Variants in ARHGEF28 observed in about 807,000 individuals in gnomAD.
The protein encoded by ARHGEF28 is Rho guanine nucleotide exchange factor 28.
A neutral mutation model predicts 206.6 loss-of-function variants in ARHGEF28; 152 were observed. That is an observed-to-expected ratio of 0.74 (90% CI 0.64 to 0.84). The LOEUF (loss-of-function observed/expected upper bound fraction) is 0.84. Ranked by LOEUF, ARHGEF28 falls within the 40% of genes least tolerant of loss-of-function variation. ARHGEF28 has a pLI of 0.00. For missense variants in ARHGEF28, 2,028 were observed against 2,073.2 expected (o/e 0.98, Z 0.42); for synonymous variants, 763 against 776.4 (o/e 0.98, Z 0.29).
intron 7 of ARHGEF28, among the ~76,000 whole-genome samples, chr5:73,786,130 C>A (rs1754143261): frequency 6.6e-6 from 1 of 151,132 alleles, no homozygotes; most frequent in Non-Finnish European, 1.5e-5. Context: ...TAATTTCACT[C>A]AAGCATTTGT....
At chr5:73,771,314 G>A (rs570410054) in intron 4 of ARHGEF28, among the ~76,000 whole-genome samples, 2 of 152,286 alleles carry the variant, frequency 1.3e-5, no homozygotes, top group East Asian at 1.9e-4. Flanking sequence ...AGGCCAAGGC[G>A]AGTGGATCAC....
intron 7 of ARHGEF28, among the ~76,000 whole-genome samples, chr5:73,793,394 G>T (rs1754600811): frequency 6.6e-6 from 1 of 152,150 alleles, no homozygotes; most frequent in African/African-American, 2.4e-5. Context: ...TAGCATTGTT[G>T]CCCAGAAGTG....
At chr5:73,866,104 A>G in intron 18 of ARHGEF28, 91 bp downstream of exon 18, 1 of 1,101,008 alleles carries the variant, frequency 9.1e-7, no homozygotes. Flanking sequence ...TTGTTTTCTC[A>G]TTTATCCAGT....
chr5:73,700,963 G>C (rs183013753), intron 2 of ARHGEF28, among the ~76,000 whole-genome samples: 4 of 152,294 alleles, frequency 2.6e-5, no homozygotes, highest in African/African-American at 9.6e-5. Flanking sequence ...GGAAGTCCAA[G>C]ATTGGCTTTC....
At chr5:73,780,650 T>C (rs767455256) in intron 6 of ARHGEF28, 26 bp from the exon 7 acceptor site, 1 of 454,602 alleles carries the variant, frequency 2.2e-6, no homozygotes, top group African/African-American at 3.3e-5. Context: ...TGCTTTTTTG[T>C]TTTTTTTTTC....
rs1035959637 is a variant in ARHGEF28 at position 73,893,364 on chromosome 5, G to A, written c.3658+76G>A. The A allele has an allele frequency of 3.4e-5, 42 of 1,226,674 alleles. 1 individual carries two copies. In the African/African-American group the frequency reaches 4.3e-4, roughly 12 times the overall value. The allele number at this position is 1,226,674 out of a possible 1,614,324, so 76.0% of individuals were successfully genotyped here. ...TGGGAAAGCCTGAGTGTCATGAACA[G>A]GAGGTTATAACTACATGATTCATCC... On this transcript the variant is annotated intron_variant, in intron 28 of 35. Coordinates refer to ENST00000513042, the MANE Select transcript of ARHGEF28 (RefSeq NM_001177693.2).
At chr5:73,792,170 T>C (rs1176763059) in intron 7 of ARHGEF28, among the ~76,000 whole-genome samples, 1 of 152,226 alleles carries the variant, frequency 6.6e-6, no homozygotes, top group Non-Finnish European at 1.5e-5. Flanking sequence ...ATAAAGACTT[T>C]CTACATTTAA....
chr5:73,937,920 T>G (rs958501464), intron 35 of ARHGEF28, among the ~76,000 whole-genome samples: 3 of 152,150 alleles, frequency 2.0e-5, no homozygotes, highest in African/African-American at 4.8e-5. Flanking sequence ...CGGTTTCTAA[T>G]TTCAAAGACA....
intron 1 of ARHGEF28, among the ~76,000 whole-genome samples, chr5:73,644,677 C>A (rs1744323748): frequency 6.6e-6 from 1 of 152,182 alleles, no homozygotes; most frequent in Admixed American, 6.5e-5. Flanking sequence ...TTTTGCTTAT[C>A]ATTTATTTTT....
chr5:73,636,831 T>C (rs994865456), intron 1 of ARHGEF28, among the ~76,000 whole-genome samples: 11 of 152,204 alleles, frequency 7.2e-5, no homozygotes, highest in Non-Finnish European at 1.6e-4. Flanking sequence ...TCAAGTTCTA[T>C]GTTTCTGTGG....
intron 12 of ARHGEF28, 149 bp downstream of exon 12, chr5:73,846,624 C>A: frequency 1.4e-6 from 1 of 708,284 alleles, no homozygotes; most frequent in Non-Finnish European, 2.3e-6. Context: ...TTGAGTCTGT[C>A]TTTTTAATCT....
intron 2 of ARHGEF28, among the ~76,000 whole-genome samples, chr5:73,712,595 A>G (rs376454162): frequency 1.1e-3 from 165 of 152,270 alleles, no homozygotes; most frequent in African/African-American, 3.5e-3. Flanking sequence ...GAAAACTGAG[A>G]CCCAATTTGC....
chr5:73,779,388 G>T (rs1394285157), intron 6 of ARHGEF28, among the ~76,000 whole-genome samples: 1 of 152,034 alleles, frequency 6.6e-6, no homozygotes, highest in Non-Finnish European at 1.5e-5. Context: ...GTTTTTCAAG[G>T]TATATTCAAA....
chr5:73,772,532 C>A (rs1753279108), intron 4 of ARHGEF28, among the ~76,000 whole-genome samples: 1 of 152,170 alleles, frequency 6.6e-6, no homozygotes, highest in Non-Finnish European at 1.5e-5. Flanking sequence ...GCGAGTGCCA[C>A]CATGCCTGTT....
chr5:73,779,276 G>GT (rs1251776723), intron 6 of ARHGEF28, among the ~76,000 whole-genome samples: 24 of 152,282 alleles, frequency 1.6e-4, no homozygotes, highest in Non-Finnish European at 3.1e-4. Flanking sequence ...ACTCGTAGCC[G>GT]TATCTTTTAA....
chr5:73,644,048 G>C (rs1258640062), intron 1 of ARHGEF28, among the ~76,000 whole-genome samples: 2 of 107,448 alleles, frequency 1.9e-5, no homozygotes, highest in East Asian at 5.2e-4. Flanking sequence ...CTGTCTTATA[G>C]ACAGCATCAG....
intron 1 of ARHGEF28, among the ~76,000 whole-genome samples, chr5:73,637,154 A>G (rs1186973091): frequency 1.3e-5 from 2 of 152,232 alleles, no homozygotes; most frequent in Admixed American, 6.5e-5. Context: ...ATTTTAACAT[A>G]TTGAACTTAA....
intron 2 of ARHGEF28, among the ~76,000 whole-genome samples, chr5:73,725,293 T>C (rs1750203864): frequency 6.6e-6 from 1 of 152,234 alleles, no homozygotes; most frequent in East Asian, 1.9e-4. Context: ...ATCTTTGTGG[T>C]TGTTTGAACA....
chr5:73,879,773 A>C (rs1760782476), intron 22 of ARHGEF28, among the ~76,000 whole-genome samples: 1 of 152,144 alleles, frequency 6.6e-6, no homozygotes, highest in African/African-American at 2.4e-5. Flanking sequence ...GCTGTCTGAT[A>C]GTTCCTCTGG....
Sources: gnomAD v4.1 joint callset for allele counts (sites outside exome capture counted in the v4.1 genomes callset) on GRCh38, gnomAD v4.1.1 for gene constraint, MANE v1.5 for transcripts, NCBI Gene and HGNC (gene_info 2026-07-23, HGNC 2026-07-21) for gene names.